The following LRG1 variants were observed in gnomAD, a reference collection of about 807,000 sequenced individuals.
The protein encoded by LRG1 is leucine-rich alpha-2-glycoprotein.
Under a neutral mutation model 2.4 loss-of-function variants are expected in LRG1, and 1 was observed. The ratio of observed to expected loss-of-function variants is 0.41; its 90% CI spans 0.15 to 1.95. The LOEUF (loss-of-function observed/expected upper bound fraction) is 1.95. Ranked by LOEUF, LRG1 falls within the 30% of genes most tolerant of loss-of-function variation. The pLI is 0.30. For missense variants in LRG1, 425 were observed against 436.9 expected, an observed-to-expected ratio of 0.97 and a Z score of 0.24; for synonymous variants, 226 against 210.6, an observed-to-expected ratio of 1.07 and a Z score of -0.63.
At position 4,538,002 on chromosome 19, in the gene LRG1, G is replaced by A. The variant is rs1431003592; in HGVS notation, c.982C>T (p.Arg328Cys). 6.2e-6 allele frequency: 10 copies of A among 1,613,818 alleles called. No individual in the cohort carries two copies. The highest frequency in any genetic ancestry group is 2.2e-5 in the South Asian group (2 of 91,092). ...KDKMFSQNDT[R>C]CAGPEAVKGQ... is the part of the protein sequence containing the mutation. ...TTCACGGCTTCAGGCCCAGCACAGC[G>A]CGTGTCATTCTGGGAAAACATCTTG... is the stretch of plus-strand genomic sequence containing the variant. Residue 328 changes from arginine (R) to cysteine (C), a missense_variant, in exon 2 of 2, where the codon CGC becomes TGC. Arg to Cys is a radical substitution (Grantham distance 180, BLOSUM62 -3). Transcript: ENST00000306390.
chr19:4,538,250 C>T lies in LRG1; in HGVS notation c.734G>A (p.Gly245Asp). 6.2e-7 allele frequency: 1 copy of T among 1,614,076 alleles called. No homozygotes were observed. Among genetic ancestry groups the T allele is most frequent in the Non-Finnish European group, 8.5e-7 (1 of 1,180,036 alleles). The part of the protein sequence containing the change: ...QPDLRYLFLN[G>D]NKLARVAAGA... Reference sequence around the variant, plus strand: ...GGCTGCCACCCTGGCCAGCTTGTTGCCGTTCAGGAAGAGGTAGCGCAGGTC... The same window carrying T: ...GGCTGCCACCCTGGCCAGCTTGTTGTCGTTCAGGAAGAGGTAGCGCAGGTC... Residue 245 changes from glycine to aspartate, a missense_variant, in exon 2 of 2, where the codon GGC (glycine) becomes GAC (aspartate). Coordinates refer to ENST00000306390, the MANE Select transcript of LRG1 (RefSeq NM_052972.3).
At position 4,537,288 on chromosome 19, in the gene LRG1, T is replaced by C. The variant is rs1349300760; in HGVS notation, c.*652A>G. ...CTAAGTGGGACTCAGCATCAGACCC[T>C]GCACTCAGAGAGCCCCCTGACTTGG... On this transcript the variant is annotated 3_prime_UTR_variant, in exon 2 of 2. Coordinates refer to ENST00000306390, the MANE Select transcript of LRG1 (RefSeq NM_052972.3). 1 of 152,500 alleles carries C rather than the reference T, an allele frequency of 6.6e-6. No individual in the cohort carries two copies. The highest frequency in any genetic ancestry group is 1.5e-5 in the Non-Finnish European group (1 of 68,272). 9.4% of individuals were successfully genotyped at this position (152,500 alleles called of 1,614,324 possible). A position where few individuals can be genotyped will look rare whatever the true frequency, so the allele number is the denominator to read the frequency against.
At chr19:4,539,837 C>T in intron 1 of LRG1, 145 bp downstream of exon 1, 1 of 959,692 alleles carries the variant, frequency 1.0e-6, no homozygotes, top group Admixed American at 1.8e-5. Context: ...ACGCGCCAGT[C>T]TTTCTGTCAC....
chr19:4,539,831 G>A (rs768652982), intron 1 of LRG1, 151 bp downstream of exon 1: 24 of 897,948 alleles, frequency 2.7e-5, no homozygotes, highest in Middle Eastern at 2.4e-4. Context: ...GTGTGCACGC[G>A]CCAGTCTTTC....
In LRG1 at chr19:4,538,933, G is replaced by C. The variant is rs771759827; in HGVS notation, c.51C>G (p.Pro17=). The change falls in exon 2 of 2, where the codon CCC becomes CCG. Residue 17 remains proline, a synonymous_variant. Transcript: ENST00000306390. ...GCAGGAACAGAGTTCTAGAAACATGGGGTTGAATGCCCCCTGGGCTGCAGG... is the reference window on the plus strand; with the variant it reads ...GCAGGAACAGAGTTCTAGAAACATGCGGTTGAATGCCCCCTGGGCTGCAGG... ...QRPKSPGGIQ[P]HVSRTLFLLL... is the part of the protein sequence containing the mutation. The C allele has an allele frequency of 2.7e-6, 4 of 1,508,190 alleles. No individual in the cohort carries two copies. Among genetic ancestry groups the C allele is most frequent in the Non-Finnish European group, 1.8e-6 (2 of 1,127,178 alleles). The allele number at this position is 1,508,190 out of a possible 1,614,324, so 93.4% of individuals were successfully genotyped here.
rs1976977669 is a variant in LRG1, at chr19:4,538,669, T to C, written c.315A>G (p.Glu105=). The C allele has an allele frequency of 3.7e-6, 6 of 1,613,138 alleles. No homozygotes were observed. The highest frequency in any genetic ancestry group is 5.1e-6 in the Non-Finnish European group (6 of 1,179,224). ...QELHLSSNGL[E]SLSPEFLRPV... ...GCCGCAGGAATTCGGGCGAGAGGCTTTCCAGCCCATTGCTGGAGAGGTGCA... is the reference window on the plus strand; with the variant it reads ...GCCGCAGGAATTCGGGCGAGAGGCTCTCCAGCCCATTGCTGGAGAGGTGCA... Residue 105 remains glutamate, a synonymous_variant, in exon 2 of 2, where the codon GAA becomes GAG. Transcript: ENST00000306390.
rs2091209848 is a variant in LRG1 at position 4,537,517 on chromosome 19, C to T, written c.*423G>A. 5.7e-6 allele frequency: 1 copy of T among 174,700 alleles called. No individual in the cohort carries two copies. The highest frequency in any genetic ancestry group is 2.4e-5 in the African/African-American group (1 of 41,766). 10.8% of individuals were successfully genotyped at this position (174,700 alleles called of 1,614,324 possible). A position where few individuals can be genotyped will look rare whatever the true frequency, so the allele number is the denominator to read the frequency against. ...GATGGATGAAACGGGGTCCCAGCCGCTATGGACAGCCCCGAGTTTCACCTG... is the reference window on the plus strand; with the variant it reads ...GATGGATGAAACGGGGTCCCAGCCGTTATGGACAGCCCCGAGTTTCACCTG... On this transcript the variant is annotated 3_prime_UTR_variant, in exon 2 of 2. Transcript: ENST00000306390.
Position 4,536,719 on chromosome 19 carries a change from T to G in LRG1, c.*1221A>C, listed in dbSNP as rs1188596656. The G allele has an allele frequency of 1.3e-5, 2 of 152,288 alleles. No individual in the cohort carries two copies. Among genetic ancestry groups the G allele is most frequent in the African/African-American group, 4.8e-5 (2 of 41,442 alleles). The allele number at this position is 152,288 out of a possible 1,614,324, so 9.4% of individuals were successfully genotyped here. A position where few individuals can be genotyped will look rare whatever the true frequency, so the allele number is the denominator to read the frequency against. On this transcript the variant is annotated 3_prime_UTR_variant, in exon 2 of 2. Transcript: ENST00000306390. Reference sequence around the variant, plus strand: ...CCACGGCGCCAGGCTGCATGGTCATTTTTTAGGGAGCTGGGAAAACTGGAC... The same window carrying G: ...CCACGGCGCCAGGCTGCATGGTCATGTTTTAGGGAGCTGGGAAAACTGGAC...
Position 4,537,056 on chromosome 19 carries a change from G to C in LRG1, c.*884C>G, listed in dbSNP as rs1026541788. The C allele has an allele frequency of 3.9e-5, 6 of 152,314 alleles. No homozygotes were observed. The highest frequency in any genetic ancestry group is 1.4e-4 in the African/African-American group (6 of 41,458). 9.4% of individuals were successfully genotyped at this position (152,314 alleles called of 1,614,324 possible). A position where few individuals can be genotyped will look rare whatever the true frequency, so the allele number is the denominator to read the frequency against. ...AGGTCCCAGGATGGGGGAAGGGAGA[G>C]GAGAAGTCACAGGCCATTGATCCCA... On this transcript the variant is annotated 3_prime_UTR_variant, in exon 2 of 2. Coordinates refer to ENST00000306390, the MANE Select transcript of LRG1 (RefSeq NM_052972.3).
Position 4,537,851 on chromosome 19 carries a change from G to A in LRG1, c.*89C>T, listed in dbSNP as rs1245897928. The A allele has an allele frequency of 1.4e-6, 2 of 1,437,354 alleles. No homozygotes were observed. Among genetic ancestry groups the A allele is most frequent in the Non-Finnish European group, 1.9e-6 (2 of 1,077,038 alleles). The allele number at this position is 1,437,354 out of a possible 1,614,324, so 89.0% of individuals were successfully genotyped here. On this transcript the variant is annotated 3_prime_UTR_variant, in exon 2 of 2. Coordinates refer to ENST00000306390, the MANE Select transcript of LRG1 (RefSeq NM_052972.3). The stretch of plus-strand genomic sequence containing the variant: ...CAAAGTGCTGGGATTACAGGCGTGA[G>A]CCCCCGCACCCGGCCAAAGGCAGGA...
Position 4,538,080 on chromosome 19 carries a change from T to C in LRG1, c.904A>G (p.Ile302Val), listed in dbSNP as rs771044674. 65 of 1,614,058 alleles carry C rather than the reference T, an allele frequency of 4.0e-5. No individual in the cohort carries two copies. Among genetic ancestry groups the C allele is most frequent in the Non-Finnish European group, 4.8e-5 (57 of 1,180,044 alleles). Residue 302 changes from isoleucine to valine, a missense_variant, in exon 2 of 2, where the codon ATC (isoleucine) becomes GTC (valine). Coordinates refer to ENST00000306390, the MANE Select transcript of LRG1 (RefSeq NM_052972.3). ...DGFDISGNPWICDQNLSDLYR... is the reference protein window; with the variant it reads ...DGFDISGNPWVCDQNLSDLYR... ...AGGTCGCTCAGGTTCTGGTCACAGA[T>C]CCAGGGGTTGCCGGAGATGTCGAAG...
rs1323088765 is a variant in LRG1, at chr19:4,539,982, C to G, written c.32G>C (p.Ser11Thr). Residue 11 changes from serine to threonine, a missense_variant and splice_region_variant, in exon 1 of 2, where the codon AGC (serine) becomes ACC (threonine). Ser to Thr is a moderately conservative substitution (Grantham distance 58, BLOSUM62 1). Coordinates refer to ENST00000306390, the MANE Select transcript of LRG1 (RefSeq NM_052972.3). ...TAGGACAGGTAGTGTGGGGACCTAC[C>G]TTTTTGGTCGCTGTCTGCTCCAAGA... MSSWSRQRPKSPGGIQPHVSR... is the reference protein window; with the variant it reads MSSWSRQRPKTPGGIQPHVSR... The G allele has an allele frequency of 1.9e-6, 3 of 1,614,194 alleles. No individual in the cohort carries two copies. The highest frequency in any genetic ancestry group is 2.5e-6 in the Non-Finnish European group (3 of 1,180,024).
In LRG1 at chr19:4,537,639, C is replaced by T. The variant is rs1056492720; in HGVS notation, c.*301G>A. 1 of 374,438 alleles carries T rather than the reference C, an allele frequency of 2.7e-6. No individual in the cohort carries two copies. 23.2% of individuals were successfully genotyped at this position (374,438 alleles called of 1,614,324 possible). A position where few individuals can be genotyped will look rare whatever the true frequency, so the allele number is the denominator to read the frequency against. ...CTAGAGTGCAGTGGCACGATCTTGG[C>T]TCACCGCAAGCTCCGCCTCCCAAGT... On this transcript the variant is annotated 3_prime_UTR_variant, in exon 2 of 2. Coordinates refer to ENST00000306390, the MANE Select transcript of LRG1 (RefSeq NM_052972.3).
Position 4,538,670 on chromosome 19 carries a change from T to G in LRG1, c.314A>C (p.Glu105Ala), listed in dbSNP as rs1301119398. 1 of 1,613,112 alleles carries G rather than the reference T, an allele frequency of 6.2e-7. No homozygotes were observed. Among genetic ancestry groups the G allele is most frequent in the Non-Finnish European group, 8.5e-7 (1 of 1,179,196 alleles). The change falls in exon 2 of 2, where the codon GAA becomes GCA. Residue 105 changes from glutamate to alanine, a missense_variant. Coordinates refer to ENST00000306390, the MANE Select transcript of LRG1 (RefSeq NM_052972.3). ...CCGCAGGAATTCGGGCGAGAGGCTT[T>G]CCAGCCCATTGCTGGAGAGGTGCAA... Reference protein sequence around the residue: ...QELHLSSNGLESLSPEFLRPV... With the variant: ...QELHLSSNGLASLSPEFLRPV...
chr19:4,538,314 A>G lies in LRG1; in HGVS notation c.670T>C (p.Leu224=), dbSNP rs746574296. ...AGGAGATCTTTTCCCAGTACTTGCAATTTGTTGCCTTCTAGATGTAGCCGT... is the reference window on the plus strand; with the variant it reads ...AGGAGATCTTTTCCCAGTACTTGCAGTTTGTTGCCTTCTAGATGTAGCCGT... ...LERLHLEGNK[L]QVLGKDLLLP... Residue 224 remains leucine (L), a synonymous_variant, in exon 2 of 2, where the codon TTG becomes CTG. Coordinates refer to ENST00000306390, the MANE Select transcript of LRG1 (RefSeq NM_052972.3). 19 of 1,614,172 alleles carry G rather than the reference A, an allele frequency of 1.2e-5. No individual in the cohort carries two copies. Among genetic ancestry groups the G allele is most frequent in the Non-Finnish European group, 1.6e-5 (19 of 1,180,030 alleles).
At chr19:4,539,765 C>A in intron 1 of LRG1, among the ~76,000 whole-genome samples, 1 of 152,192 alleles carries the variant, frequency 6.6e-6, no homozygotes, top group East Asian at 1.9e-4. Flanking sequence ...AACAAGAAGC[C>A]TCCCCCGGCT....
rs1334033671 is a variant in LRG1, at chr19:4,537,955, C to T, written c.1029G>A (p.Val343=). The change falls in exon 2 of 2, where the codon GTG becomes GTA. Residue 343 remains valine, a synonymous_variant. Coordinates refer to ENST00000306390, the MANE Select transcript of LRG1 (RefSeq NM_052972.3). ...GCCCCTGGTCTCACTGGGACTTGGC[C>T]ACTGCCAGGAGCGTCTGGCCCTTCA... ...EAVKGQTLLA[V]AKSQ is the part of the protein sequence containing the mutation. 1 of 1,610,338 alleles carries T rather than the reference C, an allele frequency of 6.2e-7. No individual in the cohort carries two copies. The highest frequency in any genetic ancestry group is 8.5e-7 in the Non-Finnish European group (1 of 1,177,556).
Position 4,538,886 on chromosome 19 carries a change from G to T in LRG1, c.98C>A (p.Ala33Asp). The T allele has an allele frequency of 6.6e-7, 1 of 1,525,002 alleles. No homozygotes were observed. Among genetic ancestry groups the T allele is most frequent in the Non-Finnish European group, 8.8e-7 (1 of 1,134,538 alleles). 94.5% of individuals were successfully genotyped at this position (1,525,002 alleles called of 1,614,324 possible). A position where few individuals can be genotyped will look rare whatever the true frequency, so the allele number is the denominator to read the frequency against. Residue 33 changes from alanine (A) to aspartate (D), a missense_variant, in exon 2 of 2, where the codon GCC (alanine) becomes GAC (aspartate). By Grantham distance (126) the Ala-to-Asp change is moderately radical. Coordinates refer to ENST00000306390, the MANE Select transcript of LRG1 (RefSeq NM_052972.3). ...TTTGGGGCTCAGGGTGACCCCCCAG[G>T]CTGAGGCTGCCAACAGCAGCAGCAG... Reference protein sequence around the residue: ...LFLLLLLAASAWGVTLSPKDC... With the variant: ...LFLLLLLAASDWGVTLSPKDC...
At position 4,538,576 on chromosome 19, in the gene LRG1, G is replaced by C. The variant is rs139572824; in HGVS notation, c.408C>G (p.Phe136Leu). The change falls in exon 2 of 2, where the codon TTC (phenylalanine) becomes TTG (leucine). Residue 136 changes from phenylalanine (F) to leucine (L), a missense_variant. Transcript: ENST00000306390. ...GGGTGTCCAGGGTGGCTGAGGCCTG[G>C]AAGAGGCCCGGGGGCAGCCCGGTCA... ...NALTGLPPGL[F>L]QASATLDTLV... 4.5e-5 allele frequency: 72 copies of C among 1,613,378 alleles called. No individual in the cohort carries two copies. The African/African-American group carries it at 9.1e-4, about 20-fold the overall frequency.
Sources: allele counts gnomAD v4.1 joint callset (sites outside exome capture counted in the v4.1 genomes callset), GRCh38; gene constraint gnomAD v4.1.1; transcripts MANE v1.5; gene names NCBI Gene and HGNC (gene_info 2026-07-23, HGNC 2026-07-21).